Variants in IGDCC4 observed in about 807,000 individuals in gnomAD.
IGDCC4 encodes immunoglobulin superfamily DCC subclass member 4, also known as likely ortholog of mouse neighbor of Punc E11.
Under a neutral mutation model 116.6 loss-of-function variants are expected in IGDCC4, and 72 were observed. The ratio of observed to expected loss-of-function variants is 0.62; its 90% CI spans 0.51 to 0.75. The LOEUF is 0.75. IGDCC4 is among the 30% of genes least tolerant of loss of function. The pLI is 0.00. For synonymous variants in IGDCC4, 709 were observed against 719.9 expected (o/e 0.98, Z 0.24); for missense variants, 1,501 against 1,662.4 (o/e 0.90, Z 1.69).
chr15:65,381,741 AC>A lies in IGDCC4; in HGVS notation c.*2267del, dbSNP rs1401246192. Reference sequence around the variant, plus strand: ...AATGGTAGGTGACAAAGGGATTAATACCCTGTAAAAGGCCAATAGATTCTTT... The same window carrying A: ...AATGGTAGGTGACAAAGGGATTAATACCTGTAAAAGGCCAATAGATTCTTT... On this transcript the variant is annotated 3_prime_UTR_variant, in exon 20 of 20. Coordinates refer to ENST00000352385, the MANE Select transcript of IGDCC4 (RefSeq NM_020962.3). 19 of 152,566 alleles carry A rather than the reference AC, an allele frequency of 1.2e-4. No homozygotes were observed. The highest frequency in any genetic ancestry group is 4.6e-4 in the African/African-American group (19 of 41,574). 9.5% of individuals were successfully genotyped at this position (152,566 alleles called of 1,614,324 possible).
intron 6 of IGDCC4, 176 bp from the exon 7 acceptor site, chr15:65,396,339 C>T (rs1013036460): frequency 1.3e-6 from 1 of 754,198 alleles, no homozygotes; most frequent in Non-Finnish European, 2.3e-6. Context: ...CCTACCCTTT[C>T]TTCTCCCCAT....
At chr15:65,408,299 G>C (rs78574730) in intron 3 of IGDCC4, among the ~76,000 whole-genome samples, 4 of 152,172 alleles carry the variant, frequency 2.6e-5, no homozygotes, top group African/African-American at 7.2e-5. Context: ...TCTCTGGGGG[G>C]CATCAGGAGT....
In IGDCC4 at chr15:65,393,333, C is replaced by T. The variant is rs1409459973; in HGVS notation, c.1885+28G>A. 6.3e-7 allele frequency: 1 copy of T among 1,583,328 alleles called. No individual in the cohort carries two copies. Among genetic ancestry groups the T allele is most frequent in the Admixed American group, 1.7e-5 (1 of 58,228 alleles). ...GCACACCCACACAGTCACACACACA[C>T]TGTCCTGTCTCTCCTCTAACCCCGT... is the stretch of plus-strand genomic sequence containing the variant. On this transcript the variant is annotated intron_variant, in intron 10 of 19. Coordinates refer to ENST00000352385, the MANE Select transcript of IGDCC4 (RefSeq NM_020962.3). The surrounding 1 kb of genome is among the most constrained non-coding windows in gnomAD (Gnocchi z 4.6).
At position 65,422,810 on chromosome 15, in the gene IGDCC4, C is replaced by T. The variant is rs1471315312; in HGVS notation, c.53G>A (p.Cys18Tyr). 2 of 1,298,602 alleles carry T rather than the reference C, an allele frequency of 1.5e-6. No homozygotes were observed. The highest frequency in any genetic ancestry group is 3.2e-5 in the East Asian group (1 of 31,016). 80.4% of individuals were successfully genotyped at this position (1,298,602 alleles called of 1,614,324 possible). The change falls in exon 1 of 20, where the codon TGC (cysteine) becomes TAC (tyrosine). Residue 18 changes from cysteine to tyrosine, a missense_variant. This residue lies in a region of IGDCC4 where 898 missense variants were observed against 978.9 expected (regional missense o/e 0.92). Coordinates refer to ENST00000352385, the MANE Select transcript of IGDCC4 (RefSeq NM_020962.3). ...GCCCTTACCGCGCGCGGCCAACAGG[C>T]AGAAGGTCAACGCGAGGAGCCCGCG... ...RGRGLLALTF[C>Y]LLAARGELLL...
intron 1 of IGDCC4, among the ~76,000 whole-genome samples, chr15:65,413,893 C>T (rs1306255384): frequency 3.9e-5 from 6 of 152,204 alleles, no homozygotes; most frequent in African/African-American, 1.4e-4. Flanking sequence ...AGTCATTTCC[C>T]CTTCTGGGCC....
chr15:65,392,219 C>T lies in IGDCC4; in HGVS notation c.2037G>A (p.Leu679=). The change falls in exon 11 of 20, where the codon CTG becomes CTA. Residue 679 remains leucine (L), a synonymous_variant. Coordinates refer to ENST00000352385, the MANE Select transcript of IGDCC4 (RefSeq NM_020962.3). ...AAGCCTGGTCTCCACGGCCCCCTGGCAGGCGATCGCCATTGGCCTCCTCCT... is the reference window on the plus strand; with the variant it reads ...AAGCCTGGTCTCCACGGCCCCCTGGTAGGCGATCGCCATTGGCCTCCTCCT... ...GAEEEANGDR[L]PGGRGDQAWD... is the part of the protein sequence containing the mutation. 6.2e-7 allele frequency: 1 copy of T among 1,613,954 alleles called. No individual in the cohort carries two copies. Among genetic ancestry groups the T allele is most frequent in the East Asian group, 2.2e-5 (1 of 44,868 alleles).
chr15:65,393,668 C>T lies in IGDCC4; in HGVS notation c.1715-137G>A, dbSNP rs2062890062. 2 of 825,342 alleles carry T rather than the reference C, an allele frequency of 2.4e-6. No homozygotes were observed. The highest frequency in any genetic ancestry group is 3.5e-5 in the African/African-American group (2 of 57,538). 51.1% of individuals were successfully genotyped at this position (825,342 alleles called of 1,614,324 possible). On this transcript the variant is annotated intron_variant, in intron 9 of 19. Transcript: ENST00000352385. The surrounding 1 kb of genome is among the most constrained non-coding windows in gnomAD (Gnocchi z 4.6). ...CCTGAGGCGTTCTCAGCACTGACCC[C>T]TCAGTGCCTGGGCAGATTCTATGGC...
rs934823668 is a variant in IGDCC4 at position 65,402,342 on chromosome 15, C to G, written c.700+9G>C. Reference sequence around the variant, plus strand: ...CCCCCAGGTTTCCCCACCCAGCCAGCCCCCTTACCTCTGTGGGCCACACTG... The same window carrying G: ...CCCCCAGGTTTCCCCACCCAGCCAGGCCCCTTACCTCTGTGGGCCACACTG... On this transcript the variant is annotated intron_variant, in intron 4 of 19. Coordinates refer to ENST00000352385, the MANE Select transcript of IGDCC4 (RefSeq NM_020962.3). 1.7e-5 allele frequency: 26 copies of G among 1,559,774 alleles called. No homozygotes were observed. In the African/African-American group the frequency reaches 3.3e-4, roughly 20 times the overall value.
Position 65,390,332 on chromosome 15 carries a change from G to C in IGDCC4, c.2231C>G (p.Pro744Arg), listed in dbSNP as rs2091502669. The C allele has an allele frequency of 1.0e-5, 16 of 1,591,620 alleles. No homozygotes were observed. The highest frequency in any genetic ancestry group is 1.7e-5 in the Admixed American group (1 of 59,570). The change falls in exon 13 of 20, where the codon CCT becomes CGT. Residue 744 changes from proline (P) to arginine (R), a missense_variant. Pro to Arg is a moderately radical substitution (Grantham distance 103). Coordinates refer to ENST00000352385, the MANE Select transcript of IGDCC4 (RefSeq NM_020962.3). Reference protein sequence around the residue: ...KTEKAPAPDMPIQRGPPLPPA... With the variant: ...KTEKAPAPDMRIQRGPPLPPA... ...AGGCAGGGGTGGTCCCCTCTGGATA[G>C]GCATGTCTGAAAGGTGAAAACTAGA...
In IGDCC4 at chr15:65,384,613, A is replaced by G. The variant is rs576068817; in HGVS notation, c.3343-194T>C. On this transcript the variant is annotated intron_variant, in intron 19 of 19. Coordinates refer to ENST00000352385, the MANE Select transcript of IGDCC4 (RefSeq NM_020962.3). This position sits in a 1 kb window ranked among gnomAD's most constrained non-coding sequence, Gnocchi z 4.9. ...GATGGAATACTTCCCATTTGCCCTC[A>G]TCCAGGAGTTTCAGGAGTACCAGAC... Among the ~76,000 whole-genome samples the G allele has an allele frequency of 1.1e-4, 17 of 152,164 alleles. No individual in the cohort carries two copies. The highest frequency in any genetic ancestry group is 2.1e-4 in the Non-Finnish European group (14 of 68,020).
In IGDCC4 at chr15:65,386,662, G is replaced by C. The variant is rs1432341491; in HGVS notation, c.2846-6C>G. On this transcript the variant is annotated splice_region_variant and splice_polypyrimidine_tract_variant and intron_variant, in intron 16 of 19. Coordinates refer to ENST00000352385, the MANE Select transcript of IGDCC4 (RefSeq NM_020962.3). The stretch of plus-strand genomic sequence containing the variant: ...TGAGTGCATGTCCAGCGAGTCTGGT[G>C]GGGGAGAGAGAGGCACAGAGCAGGT... The C allele has an allele frequency of 1.2e-6, 2 of 1,606,120 alleles. No individual in the cohort carries two copies. The highest frequency in any genetic ancestry group is 2.2e-5 in the South Asian group (2 of 89,230).
In IGDCC4 at chr15:65,416,842, C is replaced by T. The variant is rs535622970; in HGVS notation, c.71-5472G>A. On this transcript the variant is annotated intron_variant, in intron 1 of 19. Transcript: ENST00000352385. The stretch of plus-strand genomic sequence containing the variant: ...TTTTTCTGACAGATTATTTTACCCA[C>T]TTACAGGATAAACTGGATTTTATGA... Among the ~76,000 whole-genome samples, 18 of 152,292 alleles carry T rather than the reference C, an allele frequency of 1.2e-4. No individual in the cohort carries two copies. The East Asian group carries it at 3.3e-3, about 28-fold the overall frequency.
rs1435609403 is a variant in IGDCC4, at chr15:65,402,582, T to TA, written c.564-96dup. The TA allele has an allele frequency of 3.4e-6, 5 of 1,457,708 alleles. No individual in the cohort carries two copies. In the African/African-American group the frequency reaches 7.0e-5, roughly 21 times the overall value. 90.3% of individuals were successfully genotyped at this position (1,457,708 alleles called of 1,614,324 possible). Reference sequence around the variant, plus strand: ...ATAAATGCAAATTAAAACTCTAAGATACCAGGCTGGGCGCAGTGGCTCACG... The same window carrying TA: ...ATAAATGCAAATTAAAACTCTAAGATAACCAGGCTGGGCGCAGTGGCTCACG... On this transcript the variant is annotated intron_variant, in intron 3 of 19. Transcript: ENST00000352385.
In IGDCC4 at chr15:65,411,504, TACTA is replaced by T. The variant is rs986333806; in HGVS notation, c.71-138_71-135del. ...TGCATCTGGATCCTGGCTCTCCCCT[TACTA>T]ACTGTGACCTTGGACAAACTGCTGC... On this transcript the variant is annotated intron_variant, in intron 1 of 19. Coordinates refer to ENST00000352385, the MANE Select transcript of IGDCC4 (RefSeq NM_020962.3). 2.1e-5 allele frequency: 15 copies of T among 701,864 alleles called. No homozygotes were observed. The African/African-American group carries it at 2.5e-4, about 12-fold the overall frequency. The allele number at this position is 701,864 out of a possible 1,614,324, so 43.5% of individuals were successfully genotyped here. A position where few individuals can be genotyped will look rare whatever the true frequency, so the allele number is the denominator to read the frequency against.
intron 1 of IGDCC4, among the ~76,000 whole-genome samples, chr15:65,414,822 A>G (rs1297755004): frequency 1.3e-5 from 2 of 152,180 alleles, no homozygotes; most frequent in Admixed American, 6.5e-5. Context: ...TTGTATTCTT[A>G]GTAGAGACAG....
rs760537692 is a variant in IGDCC4 at position 65,395,139 on chromosome 15, C to T, written c.1531G>A (p.Ala511Thr). The change falls in exon 8 of 20, where the codon GCC becomes ACC. Residue 511 changes from alanine to threonine, a missense_variant. Physicochemically the swap from Ala to Thr is moderately conservative, Grantham distance 58. Transcript: ENST00000352385. ...FYVVAYSQLG[A>T]SRTSTPALVH... ...AGTGCTGGGGTGGAGGTGCGGCTGG[C>T]TCCCAGCTGGGAGTAGGCCACCACG... 3.0e-5 allele frequency: 49 copies of T among 1,613,630 alleles called. No homozygotes were observed. Among genetic ancestry groups the T allele is most frequent in the Non-Finnish European group, 4.2e-5 (49 of 1,179,792 alleles).
intron 1 of IGDCC4, among the ~76,000 whole-genome samples, chr15:65,413,795 G>A (rs1277835465): frequency 6.6e-6 from 1 of 152,322 alleles, no homozygotes; most frequent in Non-Finnish European, 1.5e-5. Context: ...AGCCACGTGG[G>A]GACGTGCACA....
chr15:65,409,130 C>T (rs188827701), intron 3 of IGDCC4, among the ~76,000 whole-genome samples: 1 of 152,248 alleles, frequency 6.6e-6, no homozygotes, highest in East Asian at 1.9e-4. Flanking sequence ...TCACCACACC[C>T]AGCCAGGATC....
At chr15:65,410,929 G>A in intron 2 of IGDCC4, 91 bp downstream of exon 2, 2 of 980,648 alleles carry the variant, frequency 2.0e-6, no homozygotes, top group Non-Finnish European at 3.0e-6. Context: ...CAAGAGAGAG[G>A]CATTTGTGCA....
Sources: allele counts gnomAD v4.1 joint callset (sites outside exome capture counted in the v4.1 genomes callset), GRCh38; gene constraint gnomAD v4.1.1; regional missense constraint gnomAD v4.1.1; non-coding constraint Gnocchi (gnomAD v3.1); transcripts MANE v1.5; gene names NCBI Gene and HGNC (gene_info 2026-07-23, HGNC 2026-07-21).